Variants in SDR42E1 observed in about 807,000 individuals in gnomAD.
SDR42E1 encodes short chain dehydrogenase/reductase family 42E, member 1.
Under a neutral mutation model 2.6 loss-of-function variants are expected in SDR42E1, and 5 were observed. That is an observed-to-expected ratio of 1.94 (90% CI 1.01 to 4.08). SDR42E1 has a LOEUF of 4.08. SDR42E1 is among the 30% of genes most tolerant of loss of function. The pLI is 0.00. For synonymous variants in SDR42E1, 231 were observed against 188.3 expected, an observed-to-expected ratio of 1.23 and a Z score of -1.86; for missense variants, 596 against 478.6, an observed-to-expected ratio of 1.25 and a Z score of -2.29.
chr16:82,008,034 C>G (rs1026125560), intron 1 of SDR42E1, among the ~76,000 whole-genome samples: 47 of 152,224 alleles, frequency 3.1e-4, no homozygotes, highest in African/African-American at 1.1e-3. Flanking sequence ...ATCATGGGGG[C>G]GGGTCTTTCC....
rs1249799725 is a variant in SDR42E1, at chr16:81,992,944, C to T, written c.*6167G>A. ...TTGACTCTATTTCTGGTTTGATTTT[C>T]AATAGCAAAAGGCTGTTTTACACTA... On this transcript the variant is annotated 3_prime_UTR_variant, in exon 3 of 3. Coordinates refer to ENST00000328945, the MANE Select transcript of SDR42E1 (RefSeq NM_145168.3). 2 of 152,066 alleles carry T rather than the reference C, an allele frequency of 1.3e-5. No individual in the cohort carries two copies. The allele number at this position is 152,066 out of a possible 1,614,324, so 9.4% of individuals were successfully genotyped here.
rs182094048 is a variant in SDR42E1, at chr16:81,993,351, C to A, written c.*5760G>T. The A allele has an allele frequency of 2.5e-4, 38 of 152,230 alleles. No homozygotes were observed. The highest frequency in any genetic ancestry group is 8.9e-4 in the African/African-American group (37 of 41,542). 9.4% of individuals were successfully genotyped at this position (152,230 alleles called of 1,614,324 possible). On this transcript the variant is annotated 3_prime_UTR_variant, in exon 3 of 3. Coordinates refer to ENST00000328945, the MANE Select transcript of SDR42E1 (RefSeq NM_145168.3). The stretch of plus-strand genomic sequence containing the variant: ...AACACCTAGAGTGCAGATTACCAAC[C>A]AACACAGACTTTCTCAATCAGAAGC...
Position 81,990,877 on chromosome 16 carries a change from C to T in SDR42E1, c.*8234G>A, listed in dbSNP as rs553654509. The T allele has an allele frequency of 1.3e-5, 2 of 152,264 alleles. No homozygotes were observed. Among genetic ancestry groups the T allele is most frequent in the South Asian group, 4.2e-4 (2 of 4,818 alleles). 9.4% of individuals were successfully genotyped at this position (152,264 alleles called of 1,614,324 possible). On this transcript the variant is annotated 3_prime_UTR_variant, in exon 3 of 3. Transcript: ENST00000328945. Reference sequence around the variant, plus strand: ...GTGAAGTGCTTTGTAAAAAGTTCACCCTTCTTTGGGAGAATTTAAACATCT... The same window carrying T: ...GTGAAGTGCTTTGTAAAAAGTTCACTCTTCTTTGGGAGAATTTAAACATCT...
chr16:81,999,603 C>G lies in SDR42E1; in HGVS notation c.690G>C (p.Gln230His). The G allele has an allele frequency of 6.2e-7, 1 of 1,614,170 alleles. No homozygotes were observed. The highest frequency in any genetic ancestry group is 8.5e-7 in the Non-Finnish European group (1 of 1,180,030). The change falls in exon 3 of 3, where the codon CAG becomes CAC. Residue 230 changes from glutamine (Q) to histidine (H), a missense_variant. By Grantham distance (24) the Gln-to-His change is conservative (BLOSUM62 0). Transcript: ENST00000328945. Reference protein sequence around the residue: ...VEFVHVDNLVQAHILASEALR... With the variant: ...VEFVHVDNLVHAHILASEALR... ...GGGCTTCTGAGGCCAGAATGTGAGC[C>G]TGCACCAAGTTATCCACGTGGACAA... is the stretch of plus-strand genomic sequence containing the variant.
In SDR42E1 at chr16:81,992,271, G is replaced by A. The variant is rs1274379975; in HGVS notation, c.*6840C>T. On this transcript the variant is annotated 3_prime_UTR_variant, in exon 3 of 3. Transcript: ENST00000328945. ...GTAATTTAGTTAACTAGGGTGACAGGTTAATATTGATCATTAGCTTCATGT... is the reference window on the plus strand; with the variant it reads ...GTAATTTAGTTAACTAGGGTGACAGATTAATATTGATCATTAGCTTCATGT... The A allele has an allele frequency of 6.6e-6, 1 of 152,170 alleles. No homozygotes were observed. The highest frequency in any genetic ancestry group is 2.4e-5 in the African/African-American group (1 of 41,436). The allele number at this position is 152,170 out of a possible 1,614,324, so 9.4% of individuals were successfully genotyped here. A position where few individuals can be genotyped will look rare whatever the true frequency, so the allele number is the denominator to read the frequency against.
At chr16:82,000,714 C>T in intron 2 of SDR42E1, 77 bp downstream of exon 2, 2 of 1,064,266 alleles carry the variant, frequency 1.9e-6, no homozygotes, top group Non-Finnish European at 2.9e-6. Flanking sequence ...TAAAAGTCTG[C>T]TCTGCTGTCA....
Position 81,999,795 on chromosome 16 carries a change from C to A in SDR42E1, c.498G>T (p.Ala166=). The change falls in exon 3 of 3, where the codon GCG becomes GCT. Residue 166 remains alanine (A), a synonymous_variant. Coordinates refer to ENST00000328945, the MANE Select transcript of SDR42E1 (RefSeq NM_145168.3). ...KSIAEQKVLE[A]NATPLDRGDG... is the part of the protein sequence containing the mutation. The stretch of plus-strand genomic sequence containing the variant: ...CGCCTCTGTCCAGGGGTGTAGCATT[C>A]GCCTCCAGCACCTTCTGCTCTGCAA... 6.2e-7 allele frequency: 1 copy of A among 1,614,206 alleles called. No individual in the cohort carries two copies. The highest frequency in any genetic ancestry group is 1.1e-5 in the South Asian group (1 of 91,078).
chr16:82,005,529 G>A (rs1406044468), intron 1 of SDR42E1, among the ~76,000 whole-genome samples: 1 of 152,128 alleles, frequency 6.6e-6, no homozygotes, highest in Non-Finnish European at 1.5e-5. Flanking sequence ...TTGCAGACCT[G>A]CCCCCACCCA....
chr16:81,999,678 C>T lies in SDR42E1; in HGVS notation c.615G>A (p.Glu205=). ...CGTAGACAAACTTGAACAGACCCTT[C>T]TCGATGTAGCTGACTATCCTGGGAA... The part of the protein sequence containing the change: ...RHLPRIVSYI[E]KGLFKFVYGD... Residue 205 remains glutamate, a synonymous_variant, in exon 3 of 3, where the codon GAG becomes GAA. Coordinates refer to ENST00000328945, the MANE Select transcript of SDR42E1 (RefSeq NM_145168.3). 1 of 1,614,244 alleles carries T rather than the reference C, an allele frequency of 6.2e-7. No homozygotes were observed. The highest frequency in any genetic ancestry group is 1.1e-5 in the South Asian group (1 of 91,086).
intron 1 of SDR42E1, chr16:82,007,581 T>C (rs1912982655): frequency 6.6e-6 from 1 of 152,254 alleles, no homozygotes; most frequent in Admixed American, 6.5e-5. Flanking sequence ...CTACAGTTCA[T>C]CTTAACGCAG....
chr16:81,996,307 G>A lies in SDR42E1; in HGVS notation c.*2804C>T, dbSNP rs1232129329. ...ACTAGTGGAATCTATGGGAGAGAAG[G>A]TACACCTATACCTTGGGCAGTTTTA... On this transcript the variant is annotated 3_prime_UTR_variant, in exon 3 of 3. Transcript: ENST00000328945. The A allele has an allele frequency of 2.6e-5, 4 of 152,158 alleles. No homozygotes were observed. Among genetic ancestry groups the A allele is most frequent in the Admixed American group, 1.3e-4 (2 of 15,274 alleles). 9.4% of individuals were successfully genotyped at this position (152,158 alleles called of 1,614,324 possible). A position where few individuals can be genotyped will look rare whatever the true frequency, so the allele number is the denominator to read the frequency against.
intron 1 of SDR42E1, among the ~76,000 whole-genome samples, chr16:82,001,265 C>T (rs1049091760): frequency 3.3e-5 from 5 of 151,998 alleles, no homozygotes; most frequent in African/African-American, 1.2e-4. Context: ...GAGGCATTTC[C>T]CCCCCATGCA....
rs1259323049 is a variant in SDR42E1 at position 81,997,736 on chromosome 16, C to T, written c.*1375G>A. ...ACCCTATGGGGTGGGTGGGTTTATA[C>T]AAAGGGCAAATGCAGTCAGTCCCAG... On this transcript the variant is annotated 3_prime_UTR_variant, in exon 3 of 3. Transcript: ENST00000328945. The T allele has an allele frequency of 2.6e-5, 4 of 152,138 alleles. No individual in the cohort carries two copies. Among genetic ancestry groups the T allele is most frequent in the Admixed American group, 2.6e-4 (4 of 15,274 alleles). The allele number at this position is 152,138 out of a possible 1,614,324, so 9.4% of individuals were successfully genotyped here.
At chr16:82,004,699 T>C (rs1179267839) in intron 1 of SDR42E1, among the ~76,000 whole-genome samples, 2 of 152,204 alleles carry the variant, frequency 1.3e-5, no homozygotes, top group South Asian at 4.1e-4. Flanking sequence ...ACACAAGCCT[T>C]TGTAGGTTTA....
chr16:81,992,023 G>C lies in SDR42E1; in HGVS notation c.*7088C>G, dbSNP rs922288964. ...AAACAAAAATTAGCCGGTTGTGGTGGTGGGCGCCTGTAATCCTATTGACTC... is the reference window on the plus strand; with the variant it reads ...AAACAAAAATTAGCCGGTTGTGGTGCTGGGCGCCTGTAATCCTATTGACTC... On this transcript the variant is annotated 3_prime_UTR_variant, in exon 3 of 3. Coordinates refer to ENST00000328945, the MANE Select transcript of SDR42E1 (RefSeq NM_145168.3). The C allele has an allele frequency of 1.3e-5, 2 of 152,134 alleles. No homozygotes were observed. The highest frequency in any genetic ancestry group is 1.3e-4 in the Admixed American group (2 of 15,270). The allele number at this position is 152,134 out of a possible 1,614,324, so 9.4% of individuals were successfully genotyped here.
chr16:82,008,694 A>T lies in SDR42E1; in HGVS notation c.-27+2693T>A, dbSNP rs148210721. 1.5e-3 allele frequency among the ~76,000 whole-genome samples: 231 copies of T among 152,340 alleles called. 1 individual carries two copies. The highest frequency in any genetic ancestry group is 5.3e-3 in the African/African-American group (222 of 41,588). On this transcript the variant is annotated intron_variant, in intron 1 of 2. Transcript: ENST00000328945. ...CAAGAGGAAGCAGAGTGTAGGTTTG[A>T]AAAATTTGCAGCCTAATGATACAAA...
intron 1 of SDR42E1, 29 bp from the exon 2 acceptor site, chr16:82,000,913 C>A: frequency 6.9e-7 from 1 of 1,456,878 alleles, no homozygotes; most frequent in Non-Finnish European, 9.5e-7. Flanking sequence ...ATCACTGTTA[C>A]TGATCCAAAT....
At chr16:82,000,681 T>C in intron 2 of SDR42E1, 110 bp downstream of exon 2, 1 of 789,796 alleles carries the variant, frequency 1.3e-6, no homozygotes, top group Non-Finnish European at 2.1e-6. Context: ...AGATCATTTC[T>C]GGTTTGACAT....
chr16:81,995,243 T>C lies in SDR42E1; in HGVS notation c.*3868A>G, dbSNP rs1264615702. On this transcript the variant is annotated 3_prime_UTR_variant, in exon 3 of 3. Transcript: ENST00000328945. ...TGAGGTAGCAGTGCTGGGTGGCTTC[T>C]GCCCAGACCTCTGAGAGCATCCCCA... 1 of 152,304 alleles carries C rather than the reference T, an allele frequency of 6.6e-6. No individual in the cohort carries two copies. The highest frequency in any genetic ancestry group is 1.9e-4 in the East Asian group (1 of 5,202). The allele number at this position is 152,304 out of a possible 1,614,324, so 9.4% of individuals were successfully genotyped here.
Sources: gnomAD v4.1 joint callset for allele counts (sites outside exome capture counted in the v4.1 genomes callset) on GRCh38, gnomAD v4.1.1 for gene constraint, MANE v1.5 for transcripts, NCBI Gene and HGNC (gene_info 2026-07-23, HGNC 2026-07-21) for gene names.